Variants in HERC3 observed in about 807,000 individuals in gnomAD.
HERC3 encodes the protein probable E3 ubiquitin-protein ligase HERC3.
In HERC3, 58 loss-of-function variants were observed where a neutral mutation model predicts 129.9. The observed-to-expected ratio is 0.45, with a 90% CI of 0.36 to 0.56. The LOEUF (loss-of-function observed/expected upper bound fraction) is 0.56. HERC3 is among the 20% of genes least tolerant of loss of function. The probability of loss-of-function intolerance (pLI) is 0.00; values close to 1 mark genes in which losing one functional copy is unlikely to be tolerated. For synonymous variants in HERC3, 430 were observed against 451.0 expected (o/e 0.95, Z 0.59); for missense variants, 835 against 1,244.2 (o/e 0.67, Z 4.95).
chr4:88,697,534 G>C (rs370461824), intron 23 of HERC3: 1 of 1,614,004 alleles, frequency 6.2e-7, no homozygotes, highest in African/African-American at 1.3e-5. Flanking sequence ...CACCGAATTA[G>C]GCAGGCTCTC....
At chr4:88,629,726 A>AT (rs1298308050) in intron 3 of HERC3, among the ~76,000 whole-genome samples, 1 of 152,146 alleles carries the variant, frequency 6.6e-6, no homozygotes, top group Non-Finnish European at 1.5e-5. Flanking sequence ...CCAGTTCTTC[A>AT]TTTTTTTGAA....
chr4:88,630,954 C>G (rs1472076239), intron 3 of HERC3, among the ~76,000 whole-genome samples: 1 of 152,210 alleles, frequency 6.6e-6, no homozygotes, highest in Admixed American at 6.5e-5. Context: ...AAGTCTACTC[C>G]CCTCCCATTC....
chr4:88,573,208 A>T, the HERC3 span, among the ~76,000 whole-genome samples: 1 of 152,370 alleles, frequency 6.6e-6, no homozygotes, highest in South Asian at 2.1e-4. Context: ...ACTGAGAAAA[A>T]GAAAATCCAT....
At chr4:88,615,881 T>C (rs894325832) in intron 3 of HERC3, among the ~76,000 whole-genome samples, 2 of 152,220 alleles carry the variant, frequency 1.3e-5, no homozygotes, top group Admixed American at 1.3e-4. Flanking sequence ...TTATTTGTAG[T>C]AGCAGTAGTA....
intron 2 of HERC3, among the ~76,000 whole-genome samples, chr4:88,604,408 A>C (rs1723388217): frequency 6.6e-6 from 1 of 152,050 alleles, no homozygotes; most frequent in Non-Finnish European, 1.5e-5. Flanking sequence ...AATTTAGAAC[A>C]TTTTACCACT....
the HERC3 span, among the ~76,000 whole-genome samples, chr4:88,526,515 G>A: frequency 0.024 from 3,607 of 152,104 alleles, 106 homozygotes; most frequent in African/African-American, 0.075. Context: ...TTGTTTCTTA[G>A]TTTGACAACA....
chr4:88,692,756 C>T (rs1038537634), intron 23 of HERC3: 1 of 244,282 alleles, frequency 4.1e-6, no homozygotes, highest in African/African-American at 2.3e-5. Context: ...TTCAACGTTA[C>T]ACAGCTAGAA....
intron 11 of HERC3, 104 bp downstream of exon 11, chr4:88,662,659 G>A (rs1730612269): frequency 2.5e-6 from 3 of 1,207,880 alleles, no homozygotes; most frequent in African/African-American, 1.5e-5. Context: ...GAATGTAAAT[G>A]GGGTTTTACA....
the HERC3 span, among the ~76,000 whole-genome samples, chr4:88,529,178 TAAC>T: frequency 6.6e-6 from 1 of 152,108 alleles, no homozygotes; most frequent in African/African-American, 2.4e-5. Flanking sequence ...AAAAAACAAA[TAAC>T]AACCAAAATG....
intron 13 of HERC3, 93 bp from the exon 14 acceptor site, chr4:88,667,799 G>A: frequency 2.1e-6 from 2 of 933,230 alleles, no homozygotes; most frequent in Admixed American, 2.0e-5. Flanking sequence ...ATGAATGAGA[G>A]TTGAGAGTCT....
chr4:88,582,208 G>A, the HERC3 span, among the ~76,000 whole-genome samples: 1 of 151,926 alleles, frequency 6.6e-6, no homozygotes, highest in African/African-American at 2.4e-5. Context: ...TTGTTTTACA[G>A]TATAACATTG....
At chr4:88,651,930 AT>A in intron 4 of HERC3, 81 bp from the exon 5 acceptor site, 1 of 1,031,188 alleles carries the variant, frequency 9.7e-7, no homozygotes. Context: ...TATTACTGAC[AT>A]TTTATTTAAT....
rs191419479 is a variant in HERC3, at chr4:88,642,346, A to T, written c.227-7494A>T. On this transcript the variant is annotated intron_variant, in intron 3 of 25. Transcript: ENST00000402738. The stretch of plus-strand genomic sequence containing the variant: ...ATTTGACATTATGCAGCATCCATTT[A>T]TGACAAGAACTCTCATGAGGAACAC... Among the ~76,000 whole-genome samples, 537 of 152,322 alleles carry T rather than the reference A, an allele frequency of 3.5e-3. 10 individuals carry two copies. Among genetic ancestry groups the T allele is most frequent in the African/African-American group, 0.012 (507 of 41,582 alleles).
intron 3 of HERC3, among the ~76,000 whole-genome samples, chr4:88,609,349 A>T (rs1460048978): frequency 1.3e-5 from 2 of 152,190 alleles, no homozygotes; most frequent in African/African-American, 4.8e-5. Flanking sequence ...GGGGATTATA[A>T]TACTCTTTCA....
In HERC3 at chr4:88,697,282, T is replaced by G. The variant is rs372401787; in HGVS notation, c.2658-6816T>G. On this transcript the variant is annotated intron_variant, in intron 23 of 25. Transcript: ENST00000402738. ...CCCCGCGGCAGCCTCTGCCGCAGCC[T>G]CCTCCTCCTCCTCGTCTTCCCCCTC... 1.3e-5 allele frequency: 20 copies of G among 1,539,752 alleles called. No individual in the cohort carries two copies. Among genetic ancestry groups the G allele is most frequent in the Admixed American group, 1.9e-5 (1 of 52,434 alleles).
At chr4:88,635,937 A>G (rs1026409025) in intron 3 of HERC3, among the ~76,000 whole-genome samples, 18 of 152,226 alleles carry the variant, frequency 1.2e-4, no homozygotes, top group African/African-American at 4.3e-4. Flanking sequence ...TCCTTTTCAG[A>G]TAAGCAAATG....
chr4:88,570,981 A>G, the HERC3 span, among the ~76,000 whole-genome samples: 2 of 151,912 alleles, frequency 1.3e-5, no homozygotes, highest in Non-Finnish European at 2.9e-5. Context: ...GATGGTCTCC[A>G]TCTCCTGACC....
At chr4:88,642,957 GA>G (rs1300057826) in intron 3 of HERC3, among the ~76,000 whole-genome samples, 4 of 150,590 alleles carry the variant, frequency 2.7e-5, no homozygotes, top group Non-Finnish European at 5.9e-5. Context: ...TGGAAAGGAA[GA>G]AAAAAAACCA....
At chr4:88,616,204 T>C (rs1271452656) in intron 3 of HERC3, among the ~76,000 whole-genome samples, 1 of 152,242 alleles carries the variant, frequency 6.6e-6, no homozygotes, top group South Asian at 2.1e-4. Flanking sequence ...TTCTTTACTT[T>C]ATTGTTCTCA....
Sources: allele counts gnomAD v4.1 joint callset (sites outside exome capture counted in the v4.1 genomes callset), GRCh38; gene constraint gnomAD v4.1.1; transcripts MANE v1.5; gene names NCBI Gene and HGNC (gene_info 2026-07-23, HGNC 2026-07-21).